Variants in BIN1 observed in about 807,000 individuals in gnomAD.
The protein encoded by BIN1 is bridging integrator 1, also known as myc box-dependent-interacting protein 1.
In BIN1, 53 loss-of-function variants were observed where a neutral mutation model predicts 82.0. The ratio of observed to expected loss-of-function variants is 0.65; its 90% CI spans 0.52 to 0.81. The LOEUF is 0.81. BIN1 is among the 40% of genes least tolerant of loss of function. BIN1 has a pLI of 0.00. For missense variants in BIN1, 642 were observed against 784.4 expected (o/e 0.82, Z 2.17); for synonymous variants, 302 against 328.0 (o/e 0.92, Z 0.86).
chr2:127,057,420 G>A lies in BIN1; in HGVS notation c.1131+53C>T, dbSNP rs115790292. The stretch of plus-strand genomic sequence containing the variant: ...AGCATAGAGGATGAAGGCCATGCAC[G>A]CCCTGAGAGGGCAGGAAGAGAGGAG... On this transcript the variant is annotated intron_variant, in intron 12 of 18. Coordinates refer to ENST00000316724, the MANE Select transcript of BIN1 (RefSeq NM_139343.3). This position sits in a 1 kb window ranked among gnomAD's most constrained non-coding sequence, Gnocchi z 5.0. The A allele has an allele frequency of 8.2e-4, 1,238 of 1,508,982 alleles. 6 individuals are homozygous for A. The African/African-American group carries it at 0.015, about 19-fold the overall frequency. The allele number at this position is 1,508,982 out of a possible 1,614,324, so 93.5% of individuals were successfully genotyped here. A position where few individuals can be genotyped will look rare whatever the true frequency, so the allele number is the denominator to read the frequency against.
In BIN1 at chr2:127,082,152, C is replaced by T. The variant is rs1009868538; in HGVS notation, c.85-5446G>A. Among the ~76,000 whole-genome samples, 11 of 152,164 alleles carry T rather than the reference C, an allele frequency of 7.2e-5. No homozygotes were observed. Among genetic ancestry groups the T allele is most frequent in the Admixed American group, 2.0e-4 (3 of 15,278 alleles). On this transcript the variant is annotated intron_variant, in intron 1 of 18. Transcript: ENST00000316724. The surrounding 1 kb of genome is among the most constrained non-coding windows in gnomAD (Gnocchi z 6.1). The stretch of plus-strand genomic sequence containing the variant: ...CAAAGGCGAGCCTTCTCCCCACCCC[C>T]GCCCCCCACCTCTGGGTCCAGGCTC...
chr2:127,071,867 C>T (rs1685938079), intron 2 of BIN1, among the ~76,000 whole-genome samples: 1 of 152,222 alleles, frequency 6.6e-6, no homozygotes, highest in South Asian at 2.1e-4. Context: ...TCCTCAGATC[C>T]AGTGAGCTAG....
Position 127,053,915 on chromosome 2 carries a change from G to C in BIN1, c.1229C>G (p.Pro410Arg), listed in dbSNP as rs1182233713. Residue 410 changes from proline to arginine, a missense_variant, in exon 13 of 19, where the codon CCC becomes CGC. By Grantham distance (103) the Pro-to-Arg change is moderately radical (BLOSUM62 -2). Transcript: ENST00000316724. ...GTGGGCACAACCAACCTGACCAGAG[G>C]GCGTGGGTGCCTTCACAGGGCTCGT... ...PVTSPVKAPT[P>R]SGQSIPWDLW... 5 of 1,551,252 alleles carry C rather than the reference G, an allele frequency of 3.2e-6. No homozygotes were observed. The highest frequency in any genetic ancestry group is 4.4e-6 in the Non-Finnish European group (5 of 1,146,958).
intron 1 of BIN1, among the ~76,000 whole-genome samples, chr2:127,094,895 C>G (rs1679395149): frequency 6.6e-6 from 1 of 152,178 alleles, no homozygotes; most frequent in Non-Finnish European, 1.5e-5. Context: ...AGGAAAGGAC[C>G]CCCTCAATTG....
Position 127,057,163 on chromosome 2 carries a change from C to T in BIN1, c.1131+310G>A, listed in dbSNP as rs747872111. Among the ~76,000 whole-genome samples, 6 of 152,228 alleles carry T rather than the reference C, an allele frequency of 3.9e-5. No homozygotes were observed. Among genetic ancestry groups the T allele is most frequent in the Non-Finnish European group, 7.3e-5 (5 of 68,040 alleles). Reference sequence around the variant, plus strand: ...CCTTCCCTGACAGCCACACGTCCTCCACACTCCCCGATCCCCTCTGCCATA... The same window carrying T: ...CCTTCCCTGACAGCCACACGTCCTCTACACTCCCCGATCCCCTCTGCCATA... On this transcript the variant is annotated intron_variant, in intron 12 of 18. Coordinates refer to ENST00000316724, the MANE Select transcript of BIN1 (RefSeq NM_139343.3). The surrounding 1 kb of genome is among the most constrained non-coding windows in gnomAD (Gnocchi z 5.0).
chr2:127,105,490 C>CTCCTCG lies in BIN1; in HGVS notation c.84+1369_84+1370insCGAGGA, dbSNP rs569786370. Among the ~76,000 whole-genome samples, 1,369 of 151,608 alleles carry CTCCTCG rather than the reference C, an allele frequency of 9.0e-3. 30 individuals are homozygous for CTCCTCG. Among genetic ancestry groups the CTCCTCG allele is most frequent in the African/African-American group, 0.031 (1,288 of 41,400 alleles). ...ATCCCTCCTCCTCCTCCTCCTCCTC[C>CTCCTCG]TCCTCCTCCTCCTTCCCTGGGGTGG... On this transcript the variant is annotated intron_variant, in intron 1 of 18. Transcript: ENST00000316724.
intron 10 of BIN1, among the ~76,000 whole-genome samples, chr2:127,061,587 C>A (rs1238691640): frequency 6.6e-6 from 1 of 152,218 alleles, no homozygotes; most frequent in Non-Finnish European, 1.5e-5. Context: ...CTCATGGTTT[C>A]CCCTCAGGAA....
In BIN1 at chr2:127,057,600, A is replaced by G. The variant is rs1187584587; in HGVS notation, c.1004T>C (p.Leu335Pro). 2 of 1,523,456 alleles carry G rather than the reference A, an allele frequency of 1.3e-6. No individual in the cohort carries two copies. Among genetic ancestry groups the G allele is most frequent in the Non-Finnish European group, 1.8e-6 (2 of 1,129,236 alleles). 94.4% of individuals were successfully genotyped at this position (1,523,456 alleles called of 1,614,324 possible). Residue 335 changes from leucine to proline, a missense_variant and splice_region_variant, in exon 12 of 19, where the codon CTC (leucine) becomes CCC (proline). Physicochemically the swap from Leu to Pro is moderately conservative, Grantham distance 98 (BLOSUM62 -3). Transcript: ENST00000316724. This position sits in a 1 kb window ranked among gnomAD's most constrained non-coding sequence, Gnocchi z 5.0. ...CGGAGGGACTGGTGGGCCTTTCCGG[A>G]GCTGTGGGTCGGCGGCGGGTGAGGG... The part of the protein sequence containing the change: ...GATLPKSPSQ[L>P]RKGPPVPPPP...
intron 1 of BIN1, among the ~76,000 whole-genome samples, chr2:127,089,861 G>A (rs1678685961): frequency 6.6e-6 from 1 of 152,094 alleles, no homozygotes; most frequent in Non-Finnish European, 1.5e-5. Flanking sequence ...GGTGTTTAAA[G>A]GTGAAGTATG....
At chr2:127,099,460 T>C (rs1447009222) in intron 1 of BIN1, among the ~76,000 whole-genome samples, 1 of 152,134 alleles carries the variant, frequency 6.6e-6, no homozygotes, top group Non-Finnish European at 1.5e-5. Flanking sequence ...ATTAAAGAAA[T>C]ACTGTAGCAG....
Position 127,064,021 on chromosome 2 carries a change from G to T in BIN1, c.613-3C>A. ...GCTTTGATGAGCTCCTCCTCGGCCT[G>T]GGGGGCAGCACGGGTCATTCCCCTC... On this transcript the variant is annotated splice_region_variant and splice_polypyrimidine_tract_variant and intron_variant, in intron 7 of 18. Transcript: ENST00000316724. The T allele has an allele frequency of 1.5e-5, 24 of 1,613,776 alleles. No homozygotes were observed. The highest frequency in any genetic ancestry group is 2.0e-5 in the Non-Finnish European group (24 of 1,179,966).
chr2:127,077,316 C>CCA lies in BIN1; in HGVS notation c.85-612_85-611dup, dbSNP rs10573582. 5.6e-3 allele frequency among the ~76,000 whole-genome samples: 845 copies of CCA among 150,388 alleles called. 6 individuals are homozygous for CCA. Among genetic ancestry groups the CCA allele is most frequent in the African/African-American group, 0.013 (544 of 41,062 alleles). On this transcript the variant is annotated intron_variant, in intron 1 of 18. Transcript: ENST00000316724. ...CCCCAGGCACTCTGCTCTGCACAGC[C>CCA]CACACACACACACACACACACAAAA...
rs770986090 is a variant in BIN1 at position 127,051,200 on chromosome 2, G to A, written c.1415C>T (p.Ala472Val). The change falls in exon 16 of 19, where the codon GCT becomes GTT. Residue 472 changes from alanine to valine, a missense_variant. Coordinates refer to ENST00000316724, the MANE Select transcript of BIN1 (RefSeq NM_139343.3). ...SEVAGGTQPA[A>V]GAQEPGETAA... is the part of the protein sequence containing the mutation. Reference sequence around the variant, plus strand: ...CGTCTCCCCTGGCTCCTGGGCTCCAGCCGCAGGTTGGGTCCCACCCGCCAC... The same window carrying A: ...CGTCTCCCCTGGCTCCTGGGCTCCAACCGCAGGTTGGGTCCCACCCGCCAC... 1.2e-6 allele frequency: 2 copies of A among 1,613,630 alleles called. No homozygotes were observed. Among genetic ancestry groups the A allele is most frequent in the Admixed American group, 3.3e-5 (2 of 60,030 alleles).
intron 1 of BIN1, among the ~76,000 whole-genome samples, chr2:127,087,265 G>A (rs1023270389): frequency 1.3e-5 from 2 of 152,176 alleles, no homozygotes; most frequent in Admixed American, 6.5e-5. Context: ...AAAGAAGGGG[G>A]AGGGGAAGGA....
chr2:127,091,272 C>T lies in BIN1; in HGVS notation c.85-14566G>A, dbSNP rs925447150. 5.3e-5 allele frequency among the ~76,000 whole-genome samples: 8 copies of T among 152,122 alleles called. No homozygotes were observed. In the South Asian group the frequency reaches 6.2e-4, roughly 12 times the overall value. On this transcript the variant is annotated intron_variant, in intron 1 of 18. Transcript: ENST00000316724. Reference sequence around the variant, plus strand: ...GAGGAGGCTGCCCTCACCCCAGCCCCGGGGCATTCTCAGGCCTTCCTCTAC... The same window carrying T: ...GAGGAGGCTGCCCTCACCCCAGCCCTGGGGCATTCTCAGGCCTTCCTCTAC...
chr2:127,069,275 CG>C (rs1174907719), intron 5 of BIN1, among the ~76,000 whole-genome samples: 2 of 152,180 alleles, frequency 1.3e-5, no homozygotes, highest in African/African-American at 4.8e-5. Flanking sequence ...CAGCTGGTGA[CG>C]TGTCAGCCAA....
rs192173928 is a variant in BIN1 at position 127,062,356 on chromosome 2, C to T, written c.775-159G>A. The stretch of plus-strand genomic sequence containing the variant: ...AGCAAGGAACTAGCACACCAAACCC[C>T]GAAAAACCAAGGGGGCAACAAAACG... On this transcript the variant is annotated intron_variant, in intron 9 of 18. Transcript: ENST00000316724. 2.1e-3 allele frequency among the ~76,000 whole-genome samples: 317 copies of T among 152,316 alleles called. 1 individual carries two copies. The highest frequency in any genetic ancestry group is 3.5e-3 in the Non-Finnish European group (241 of 68,024).
chr2:127,095,788 A>G (rs1173607315), intron 1 of BIN1, among the ~76,000 whole-genome samples: 2 of 152,214 alleles, frequency 1.3e-5, no homozygotes, highest in Non-Finnish European at 2.9e-5. Flanking sequence ...GGGCACAGAG[A>G]GAAACAAATG....
In BIN1 at chr2:127,101,010, G is replaced by GC. The variant is rs71393837; in HGVS notation, c.84+5849_84+5850insG. The stretch of plus-strand genomic sequence containing the variant: ...AGGGTAGGAATGTGCGGGGGGTGGG[G>GC]ATAGACTCAAACTCAGCTGTCTAGA... On this transcript the variant is annotated intron_variant, in intron 1 of 18. Coordinates refer to ENST00000316724, the MANE Select transcript of BIN1 (RefSeq NM_139343.3). Among the ~76,000 whole-genome samples the GC allele has an allele frequency of 2.9e-4, 40 of 139,694 alleles. 3 individuals carry two copies. Among genetic ancestry groups the GC allele is most frequent in the Admixed American group, 2.5e-3 (36 of 14,418 alleles). 91.6% of individuals were successfully genotyped at this position (139,694 alleles called of 152,430 possible). A position where few individuals can be genotyped will look rare whatever the true frequency, so the allele number is the denominator to read the frequency against.
Sources: allele counts gnomAD v4.1 joint callset (sites outside exome capture counted in the v4.1 genomes callset), GRCh38; gene constraint gnomAD v4.1.1; non-coding constraint Gnocchi (gnomAD v3.1); transcripts MANE v1.5; gene names NCBI Gene and HGNC (gene_info 2026-07-23, HGNC 2026-07-21).